ZRANB3: variants seen among roughly 807,000 people sequenced by gnomAD.
ZRANB3 encodes the protein zinc finger RANBP2-type containing 3.
ZRANB3 carries 125 observed loss-of-function variants against 133.8 expected under a neutral mutation model. The ratio of observed to expected loss-of-function variants is 0.93; its 90% CI spans 0.81 to 1.08. The LOEUF is 1.08. ZRANB3 is among the 50% of genes least tolerant of loss of function. The probability of loss-of-function intolerance (pLI) is 0.00; values close to 1 mark genes in which losing one functional copy is unlikely to be tolerated. For synonymous variants in ZRANB3, 387 were observed against 432.7 expected (o/e 0.89, Z 1.31); for missense variants, 1,229 against 1,275.5 (o/e 0.96, Z 0.56).
chr2:135,385,673 G>C (rs1325830393), intron 3 of ZRANB3, among the ~76,000 whole-genome samples: 3 of 152,136 alleles, frequency 2.0e-5, no homozygotes, highest in African/African-American at 7.2e-5. Flanking sequence ...AGAGGTCTCA[G>C]AAATAACACC....
At chr2:135,351,041 T>C (rs1685180468) in intron 4 of ZRANB3, among the ~76,000 whole-genome samples, 1 of 152,116 alleles carries the variant, frequency 6.6e-6, no homozygotes. Flanking sequence ...TGATCCCAAA[T>C]AAAGTTTGTA....
At chr2:135,223,374 G>A (rs1694631456) in intron 15 of ZRANB3, among the ~76,000 whole-genome samples, 1 of 149,482 alleles carries the variant, frequency 6.7e-6, no homozygotes, top group Admixed American at 6.7e-5. Context: ...CACCCAGGCT[G>A]GAGTGCAGTG....
intron 6 of ZRANB3, among the ~76,000 whole-genome samples, chr2:135,341,371 C>G (rs1305171262): frequency 6.7e-6 from 1 of 149,938 alleles, no homozygotes; most frequent in Non-Finnish European, 1.5e-5. Flanking sequence ...CTTCCCCAAT[C>G]AATACTCTTA....
chr2:135,284,533 G>T (rs1377142573), intron 8 of ZRANB3, among the ~76,000 whole-genome samples: 1 of 152,156 alleles, frequency 6.6e-6, no homozygotes, highest in Non-Finnish European at 1.5e-5. Flanking sequence ...GTGCAGTGGC[G>T]CGATCTCAGC....
chr2:135,369,167 T>TAA (rs1215967464), intron 3 of ZRANB3, among the ~76,000 whole-genome samples: 2 of 151,816 alleles, frequency 1.3e-5, no homozygotes, highest in Non-Finnish European at 2.9e-5. Context: ...GTACAATGTT[T>TAA]AAAAAAACAG....
chr2:135,257,334 C>T (rs1312219713), intron 12 of ZRANB3, among the ~76,000 whole-genome samples: 4 of 152,104 alleles, frequency 2.6e-5, no homozygotes, highest in African/African-American at 9.7e-5. Context: ...CTTTGTTTAC[C>T]CATTCATCAA....
At chr2:135,401,998 T>C (rs953806845) in intron 2 of ZRANB3, among the ~76,000 whole-genome samples, 1 of 152,160 alleles carries the variant, frequency 6.6e-6, no homozygotes, top group Non-Finnish European at 1.5e-5. Context: ...ACTATTTTTA[T>C]TTTGCCTTAT....
At chr2:135,361,859 C>G (rs188565208) in intron 3 of ZRANB3, among the ~76,000 whole-genome samples, 1 of 152,080 alleles carries the variant, frequency 6.6e-6, no homozygotes, top group Non-Finnish European at 1.5e-5. Flanking sequence ...AGTGCTATTT[C>G]CAATAGAGAA....
At chr2:135,449,626 T>TA (rs1690179136) in intron 2 of ZRANB3, among the ~76,000 whole-genome samples, 1 of 151,998 alleles carries the variant, frequency 6.6e-6, no homozygotes, top group Non-Finnish European at 1.5e-5. Context: ...TCTCAAAAAA[T>TA]AAAAAATAAA....
chr2:135,289,027 T>C (rs1681545464), intron 8 of ZRANB3, among the ~76,000 whole-genome samples: 1 of 152,034 alleles, frequency 6.6e-6, no homozygotes, highest in South Asian at 2.1e-4. Flanking sequence ...GATTGTCTTA[T>C]TAGTGCTCTT....
intron 6 of ZRANB3, among the ~76,000 whole-genome samples, chr2:135,328,067 T>TTTA (rs936276043): frequency 7.9e-5 from 12 of 151,830 alleles, no homozygotes; most frequent in African/African-American, 2.7e-4. Flanking sequence ...AAAGCCAATT[T>TTTA]TTATTATTAT....
At chr2:135,526,012 A>C (rs1050437405) in intron 1 of ZRANB3, among the ~76,000 whole-genome samples, 3 of 152,174 alleles carry the variant, frequency 2.0e-5, no homozygotes, top group Non-Finnish European at 4.4e-5. Flanking sequence ...AGAAACAGAA[A>C]GTGGAATGGT....
chr2:135,271,037 T>C (rs542034780), intron 10 of ZRANB3, among the ~76,000 whole-genome samples: 12 of 152,334 alleles, frequency 7.9e-5, no homozygotes, highest in Admixed American at 7.8e-4. Context: ...CGAGCTTCCC[T>C]TGAAATTAGG....
intron 2 of ZRANB3, among the ~76,000 whole-genome samples, chr2:135,466,382 C>CAAAAAAAA (rs553890734): frequency 2.5e-4 from 7 of 28,238 alleles, no homozygotes; most frequent in Non-Finnish European, 8.0e-4. Flanking sequence ...GACTCCGTCA[C>CAAAAAAAA]AAAAAAAAAA....
chr2:135,353,527 C>G lies in ZRANB3; in HGVS notation c.282G>C (p.Trp94Cys), dbSNP rs1207499446. ...IVVPSSLRYP[W>C]TEEIEKWIPE... The stretch of plus-strand genomic sequence containing the variant: ...GGATCCATTTTTCAATTTCTTCTGT[C>G]CAAGGGTACCTCAGAGACGAAGGGA... The change falls in exon 4 of 21, where the codon TGG (tryptophan) becomes TGC (cysteine). Residue 94 changes from tryptophan to cysteine, a missense_variant. Transcript: ENST00000264159. 3 of 1,611,152 alleles carry G rather than the reference C, an allele frequency of 1.9e-6. No homozygotes were observed. The highest frequency in any genetic ancestry group is 2.5e-6 in the Non-Finnish European group (3 of 1,178,290).
At chr2:135,516,738 C>A (rs574743067) in intron 1 of ZRANB3, among the ~76,000 whole-genome samples, 1 of 152,118 alleles carries the variant, frequency 6.6e-6, no homozygotes, top group African/African-American at 2.4e-5. Flanking sequence ...GTGAATCTGA[C>A]AATTATGTGT....
intron 8 of ZRANB3, among the ~76,000 whole-genome samples, chr2:135,297,558 A>C (rs1437735854): frequency 2.0e-5 from 3 of 152,150 alleles, no homozygotes; most frequent in Admixed American, 6.5e-5. Context: ...GCTTTGGCTC[A>C]TGCACCGTGC....
chr2:135,317,100 T>C (rs1002673853), intron 6 of ZRANB3, among the ~76,000 whole-genome samples: 3 of 151,514 alleles, frequency 2.0e-5, no homozygotes, highest in South Asian at 2.1e-4. Context: ...CAATAAGAAA[T>C]TTACTTGTTT....
In ZRANB3 at chr2:135,382,726, T is replaced by C. The variant is rs193209778; in HGVS notation, c.180+8076A>G. 1.8e-4 allele frequency among the ~76,000 whole-genome samples: 27 copies of C among 152,294 alleles called. No individual in the cohort carries two copies. The East Asian group carries it at 4.6e-3, about 26-fold the overall frequency. On this transcript the variant is annotated intron_variant, in intron 3 of 20. Transcript: ENST00000264159. ...AAAGAATTTTCAACCCAGAATTTCATATGCAGCGAAACTAAGCTTCATAAG... is the reference window on the plus strand; with the variant it reads ...AAAGAATTTTCAACCCAGAATTTCACATGCAGCGAAACTAAGCTTCATAAG...
Sources: gnomAD v4.1 joint callset for allele counts (sites outside exome capture counted in the v4.1 genomes callset) on GRCh38, gnomAD v4.1.1 for gene constraint, MANE v1.5 for transcripts, NCBI Gene and HGNC (gene_info 2026-07-23, HGNC 2026-07-21) for gene names.